The following MAGI2 variants were observed in gnomAD, a reference collection of about 807,000 sequenced individuals.
MAGI2 encodes the protein membrane-associated guanylate kinase, WW and PDZ domain-containing protein 2.
Under a neutral mutation model 133.3 loss-of-function variants are expected in MAGI2, and 35 were observed. The observed-to-expected ratio is 0.26, with a 90% confidence interval of 0.20 to 0.35. The LOEUF is 0.35. Among genes scored for constraint, MAGI2 ranks in the 10% least tolerant of loss-of-function variants. The pLI is 1.00. For synonymous variants in MAGI2, 729 were observed against 710.6 expected, an observed-to-expected ratio of 1.03 and a Z score of -0.41; for missense variants, 1,636 against 1,863.4, an observed-to-expected ratio of 0.88 and a Z score of 2.25.
chr7:79,329,402 C>T (rs1839910879), intron 1 of MAGI2, among the ~76,000 whole-genome samples: 1 of 152,130 alleles, frequency 6.6e-6, no homozygotes, highest in South Asian at 2.1e-4. Flanking sequence ...AATTATTTAG[C>T]ACATGACTGT....
At chr7:78,254,027 C>T (rs918748955) in intron 10 of MAGI2, 2 of 152,148 alleles carry the variant, frequency 1.3e-5, no homozygotes, top group Non-Finnish European at 2.9e-5. Context: ...TTAAGCATCA[C>T]AGCATTCTGC....
intron 1 of MAGI2, among the ~76,000 whole-genome samples, chr7:79,440,692 T>C (rs1231033352): frequency 1.3e-5 from 2 of 152,140 alleles, no homozygotes; most frequent in African/African-American, 4.8e-5. Context: ...TATAAATAGG[T>C]TTACATAAGT....
intron 3 of MAGI2, among the ~76,000 whole-genome samples, chr7:78,573,333 A>T (rs1186287025): frequency 4.6e-4 from 26 of 56,518 alleles, no homozygotes; most frequent in African/African-American, 7.6e-4. Flanking sequence ...TATATATATA[A>T]ATATATATAT....
chr7:78,183,298 G>T (rs546383050), intron 13 of MAGI2, among the ~76,000 whole-genome samples: 1 of 138,250 alleles, frequency 7.2e-6, no homozygotes. Context: ...ATGGAGTCTC[G>T]CTCTGTTGCC....
intron 6 of MAGI2, among the ~76,000 whole-genome samples, chr7:78,424,118 T>G (rs1025862148): frequency 2.6e-5 from 4 of 151,866 alleles, no homozygotes; most frequent in African/African-American, 9.7e-5. Context: ...TAGGAGAAAA[T>G]GGTTTTGTGG....
intron 16 of MAGI2, among the ~76,000 whole-genome samples, chr7:78,136,234 C>G (rs1822113708): frequency 6.6e-6 from 1 of 151,998 alleles, no homozygotes; most frequent in South Asian, 2.1e-4. Context: ...ATTCTCCTGC[C>G]TCAGCTTCCC....
chr7:78,813,785 C>CAAAAAAA (rs36107160), intron 2 of MAGI2, among the ~76,000 whole-genome samples: 14 of 96,768 alleles, frequency 1.4e-4, no homozygotes, highest in East Asian at 6.1e-4. Context: ...GATTCTGTCT[C>CAAAAAAA]AAAAAAAAAA....
intron 9 of MAGI2, among the ~76,000 whole-genome samples, chr7:78,274,605 G>A (rs1261243844): frequency 6.9e-6 from 1 of 145,458 alleles, no homozygotes; most frequent in African/African-American, 2.5e-5. Context: ...CCCTGACTGG[G>A]GTGCTGCCTT....
chr7:79,422,764 G>A (rs1847062584), intron 1 of MAGI2, among the ~76,000 whole-genome samples: 1 of 151,976 alleles, frequency 6.6e-6, no homozygotes, highest in Admixed American at 6.6e-5. Context: ...CAAAAACACA[G>A]CCCGACTCTG....
intron 2 of MAGI2, among the ~76,000 whole-genome samples, chr7:78,978,441 G>A (rs1056476524): frequency 1.3e-5 from 2 of 151,824 alleles, no homozygotes; most frequent in African/African-American, 4.8e-5. Context: ...ACATGATTCT[G>A]TTTCAATAAC....
At chr7:78,264,084 G>C (rs1020004774) in intron 9 of MAGI2, among the ~76,000 whole-genome samples, 1 of 152,014 alleles carries the variant, frequency 6.6e-6, no homozygotes, top group Non-Finnish European at 1.5e-5. Flanking sequence ...TCCTGATAGC[G>C]TGATTCTTCA....
intron 1 of MAGI2, among the ~76,000 whole-genome samples, chr7:79,315,077 T>C (rs891735998): frequency 2.6e-5 from 4 of 152,186 alleles, no homozygotes; most frequent in South Asian, 4.1e-4. Flanking sequence ...TACTAAGTGA[T>C]ACAAAATTCT....
At chr7:78,686,247 C>A (rs981383136) in intron 2 of MAGI2, among the ~76,000 whole-genome samples, 1 of 151,898 alleles carries the variant, frequency 6.6e-6, no homozygotes, top group Admixed American at 6.6e-5. Flanking sequence ...GGCACCTTTG[C>A]GAGCCATTCT....
At chr7:78,726,572 G>A (rs1820828845) in intron 2 of MAGI2, among the ~76,000 whole-genome samples, 1 of 152,146 alleles carries the variant, frequency 6.6e-6, no homozygotes. Flanking sequence ...AGAAGGGCAA[G>A]GTGGGGACAA....
chr7:78,324,811 A>G (rs1788414543), intron 9 of MAGI2, among the ~76,000 whole-genome samples: 1 of 152,046 alleles, frequency 6.6e-6, no homozygotes, highest in Non-Finnish European at 1.5e-5. Flanking sequence ...AAACAACAAC[A>G]AAAAACTAGC....
chr7:78,615,026 T>C (rs1420027310), intron 3 of MAGI2: 1 of 152,330 alleles, frequency 6.6e-6, no homozygotes, highest in Non-Finnish European at 1.5e-5. Context: ...AGAATGACCA[T>C]GGATGACTCA....
At chr7:78,341,020 T>C (rs758041487) in intron 9 of MAGI2, among the ~76,000 whole-genome samples, 14 of 152,148 alleles carry the variant, frequency 9.2e-5, no homozygotes, top group Non-Finnish European at 1.6e-4. Context: ...TCAAATAGTC[T>C]CTTTTTGCAG....
At chr7:79,121,048 G>T (rs563719952) in intron 1 of MAGI2, among the ~76,000 whole-genome samples, 1 of 152,120 alleles carries the variant, frequency 6.6e-6, no homozygotes, top group East Asian at 1.9e-4. Flanking sequence ...GTAAATACTA[G>T]GATACTTCCC....
chr7:78,166,543 A>T (rs1344687916), intron 15 of MAGI2, among the ~76,000 whole-genome samples: 4 of 152,228 alleles, frequency 2.6e-5, no homozygotes. Flanking sequence ...AAGATACAAG[A>T]TATATAGCAG....
Sources: allele counts gnomAD v4.1 joint callset (sites outside exome capture counted in the v4.1 genomes callset), GRCh38; gene constraint gnomAD v4.1.1; transcripts MANE v1.5; gene names NCBI Gene and HGNC (gene_info 2026-07-23, HGNC 2026-07-21).